The following MAPKAP1 variants were observed in gnomAD, a reference collection of about 807,000 sequenced individuals.
The protein encoded by MAPKAP1 is MAPK associated protein 1, also known as target of rapamycin complex 2 subunit MAPKAP1.
In MAPKAP1, 20 loss-of-function variants were observed where a neutral mutation model predicts 65.7. The ratio of observed to expected loss-of-function variants is 0.30; its 90% CI spans 0.21 to 0.44. MAPKAP1 has a LOEUF of 0.44. Ranked by LOEUF, MAPKAP1 falls within the 20% of genes least tolerant of loss-of-function variation. MAPKAP1 has a pLI of 1.00. For missense variants in MAPKAP1, 423 were observed against 648.0 expected (o/e 0.65, Z 3.77); for synonymous variants, 222 against 244.3 (o/e 0.91, Z 0.85).
At position 125,631,173 on chromosome 9, in the gene MAPKAP1, C is replaced by A. The variant is rs149245872; in HGVS notation, c.498+26478G>T. The stretch of plus-strand genomic sequence containing the variant: ...CATGTGATCTCTGCATTCCCCAGCT[C>A]CCCATCTGCCTTCCTTAATGAGTAA... On this transcript the variant is annotated intron_variant, in intron 4 of 11. Transcript: ENST00000265960. Among the ~76,000 whole-genome samples, 111 of 152,252 alleles carry A rather than the reference C, an allele frequency of 7.3e-4. 2 individuals are homozygous for A. The highest frequency in any genetic ancestry group is 2.1e-3 in the African/African-American group (86 of 41,550).
At chr9:125,593,413 G>C (rs1832030237) in intron 4 of MAPKAP1, among the ~76,000 whole-genome samples, 1 of 152,154 alleles carries the variant, frequency 6.6e-6, no homozygotes, top group African/African-American at 2.4e-5. Flanking sequence ...TGTAATCCTA[G>C]CACTTTGGGA....
intron 10 of MAPKAP1, among the ~76,000 whole-genome samples, chr9:125,457,939 G>A (rs749632460): frequency 9.9e-5 from 15 of 152,246 alleles, no homozygotes; most frequent in South Asian, 6.2e-4. Context: ...GCAAATTTCC[G>A]TTGCTTTAGC....
intron 1 of MAPKAP1, among the ~76,000 whole-genome samples, chr9:125,693,566 TAC>T (rs1169598297): frequency 1.1e-4 from 16 of 148,560 alleles, no homozygotes; most frequent in African/African-American, 3.7e-4. Flanking sequence ...CACACATATA[TAC>T]ATACACACAC....
At chr9:125,560,477 A>C (rs1209337976) in intron 5 of MAPKAP1, among the ~76,000 whole-genome samples, 1 of 152,168 alleles carries the variant, frequency 6.6e-6, no homozygotes, top group Non-Finnish European at 1.5e-5. Context: ...CCAGCTACTC[A>C]GGAGGCTGAG....
intron 5 of MAPKAP1, among the ~76,000 whole-genome samples, chr9:125,564,776 A>C (rs115464675): frequency 6.6e-6 from 1 of 152,210 alleles, no homozygotes; most frequent in Non-Finnish European, 1.5e-5. Flanking sequence ...CTGATTACGC[A>C]GAAGCTGGAT....
intron 2 of MAPKAP1, 21 bp from the exon 3 acceptor site, chr9:125,669,928 C>T: frequency 7.8e-7 from 1 of 1,276,564 alleles, no homozygotes; most frequent in Non-Finnish European, 1.1e-6. Context: ...AATATTATAA[C>T]TGTAAGTTTG....
chr9:125,572,098 T>G (rs1192907925), intron 5 of MAPKAP1, among the ~76,000 whole-genome samples: 1 of 152,260 alleles, frequency 6.6e-6, no homozygotes, highest in African/African-American at 2.4e-5. Context: ...AATAAGAATC[T>G]GTTTTCTTTT....
At chr9:125,497,382 T>G (rs1410286955) in intron 8 of MAPKAP1, among the ~76,000 whole-genome samples, 1 of 152,232 alleles carries the variant, frequency 6.6e-6, no homozygotes, top group Non-Finnish European at 1.5e-5. Context: ...CTACACCACC[T>G]TCTATTTAGG....
intron 10 of MAPKAP1, among the ~76,000 whole-genome samples, chr9:125,451,345 G>A (rs147700265): frequency 2.6e-5 from 4 of 152,262 alleles, no homozygotes; most frequent in African/African-American, 7.2e-5. Flanking sequence ...TTTCCTTTGT[G>A]ATCTTCTGGA....
At chr9:125,519,634 TATAC>T (rs1310039373) in intron 7 of MAPKAP1, among the ~76,000 whole-genome samples, 1 of 140,892 alleles carries the variant, frequency 7.1e-6, no homozygotes, top group Non-Finnish European at 1.5e-5. Flanking sequence ...GTCTAATATA[TATAC>T]ATATATATGT....
chr9:125,466,381 C>T (rs1853680377), intron 10 of MAPKAP1, among the ~76,000 whole-genome samples: 1 of 152,134 alleles, frequency 6.6e-6, no homozygotes, highest in African/African-American at 2.4e-5. Context: ...TTTACTGGTG[C>T]AGTGAGCCTC....
At chr9:125,705,879 A>T (rs1310168523) in intron 1 of MAPKAP1, among the ~76,000 whole-genome samples, 1 of 152,210 alleles carries the variant, frequency 6.6e-6, no homozygotes, top group Non-Finnish European at 1.5e-5. Flanking sequence ...CTACTTATTC[A>T]GAGTAATGGA....
intron 4 of MAPKAP1, among the ~76,000 whole-genome samples, chr9:125,628,216 C>CT (rs1833170979): frequency 6.6e-6 from 1 of 152,072 alleles, no homozygotes. Flanking sequence ...CAGCAATTCA[C>CT]TATAGAGGAA....
intron 7 of MAPKAP1, among the ~76,000 whole-genome samples, chr9:125,525,621 T>G (rs577645179): frequency 7.4e-4 from 112 of 151,422 alleles, no homozygotes; most frequent in Middle Eastern, 3.4e-3. Context: ...TGTGGTGAGC[T>G]GAGATTGCGC....
chr9:125,685,740 C>T (rs1035596333), intron 1 of MAPKAP1, among the ~76,000 whole-genome samples: 9 of 152,252 alleles, frequency 5.9e-5, no homozygotes, highest in Non-Finnish European at 1.2e-4. Context: ...TTACCCATCA[C>T]TATGCTGCCA....
intron 1 of MAPKAP1, among the ~76,000 whole-genome samples, chr9:125,674,764 A>G (rs1207239361): frequency 6.6e-6 from 1 of 152,190 alleles, no homozygotes; most frequent in Non-Finnish European, 1.5e-5. Flanking sequence ...TTTCCTCTTA[A>G]TATATTCCTT....
At chr9:125,526,662 A>G (rs986895511) in intron 7 of MAPKAP1, among the ~76,000 whole-genome samples, 39 of 152,374 alleles carry the variant, frequency 2.6e-4, no homozygotes, top group African/African-American at 8.7e-4. Context: ...CAAAGTCCAC[A>G]TAAGTAAGGA....
At chr9:125,529,107 G>C (rs1179211354) in intron 7 of MAPKAP1, among the ~76,000 whole-genome samples, 1 of 150,518 alleles carries the variant, frequency 6.6e-6, no homozygotes, top group African/African-American at 2.5e-5. Context: ...CTGGAAGGTG[G>C]AGGTTGCAGT....
chr9:125,454,644 T>G (rs1853099597), intron 10 of MAPKAP1, among the ~76,000 whole-genome samples: 2 of 152,214 alleles, frequency 1.3e-5, no homozygotes, highest in South Asian at 4.1e-4. Context: ...TACTACACTG[T>G]TTACTGAGTT....
Sources: allele counts gnomAD v4.1 joint callset (sites outside exome capture counted in the v4.1 genomes callset), GRCh38; gene constraint gnomAD v4.1.1; transcripts MANE v1.5; gene names NCBI Gene and HGNC (gene_info 2026-07-23, HGNC 2026-07-21).